Variants in PCYT1B observed in about 807,000 individuals in gnomAD.
PCYT1B encodes the protein choline-phosphate cytidylyltransferase B.
In PCYT1B, 10 loss-of-function variants were observed where a neutral mutation model predicts 26.4. The ratio of observed to expected loss-of-function variants is 0.38; its 90% CI spans 0.23 to 0.64. The LOEUF (loss-of-function observed/expected upper bound fraction) is 0.64, where lower values mean the gene tolerates loss of function less well. Among genes scored for constraint, PCYT1B ranks in the 30% least tolerant of loss-of-function variants. The pLI, the probability that PCYT1B is intolerant of heterozygous loss-of-function variation, is 0.56. For synonymous variants in PCYT1B, 131 were observed against 108.4 expected, an observed-to-expected ratio of 1.21 and a Z score of -1.29; for missense variants, 161 against 292.7, an observed-to-expected ratio of 0.55 and a Z score of 3.28.
In PCYT1B at chrX:24,575,079, G is replaced by A. The variant is rs377672621; in HGVS notation, c.897+51C>T. Reference sequence around the variant, plus strand: ...CCTTGAGTGGCTCCATAAAAAGGAGGATAAACTGAAAACACTCATCATTGT... The same window carrying A: ...CCTTGAGTGGCTCCATAAAAAGGAGAATAAACTGAAAACACTCATCATTGT... On this transcript the variant is annotated intron_variant, in intron 7 of 7. Transcript: ENST00000379144. 1.5e-4 allele frequency: 148 copies of A among 1,018,089 alleles called. No individual in the cohort carries two copies. The African/African-American group carries it at 2.5e-3, about 17-fold the overall frequency. 83.9% of individuals were successfully genotyped at this position (1,018,089 alleles called of 1,213,427 possible).
intron 2 of PCYT1B, among the ~76,000 whole-genome samples, chrX:24,611,050 C>T (rs1212278145): frequency 1.8e-5 from 2 of 111,625 alleles, no homozygotes; most frequent in Non-Finnish European, 3.8e-5. Context: ...GATCATGATA[C>T]AGTGGTTATG....
chrX:24,609,910 T>C (rs1262720787), intron 2 of PCYT1B, among the ~76,000 whole-genome samples: 1 of 110,775 alleles, frequency 9.0e-6, no homozygotes, highest in Non-Finnish European at 1.9e-5. Flanking sequence ...CTGGCCAACA[T>C]GGTGAAACCC....
chrX:24,646,291 G>A (rs1926621725), intron 1 of PCYT1B, among the ~76,000 whole-genome samples: 1 of 111,090 alleles, frequency 9.0e-6, no homozygotes, highest in African/African-American at 3.3e-5. Flanking sequence ...TTACGGAGGC[G>A]GAAGGACGCT....
intron 1 of PCYT1B, among the ~76,000 whole-genome samples, chrX:24,670,131 A>G (rs1476071470): frequency 9.3e-6 from 1 of 107,392 alleles, no homozygotes; most frequent in Admixed American, 1.0e-4. Flanking sequence ...GAAGGAAGGA[A>G]GGAAGGAAGG....
intron 7 of PCYT1B, among the ~76,000 whole-genome samples, chrX:24,563,524 G>T (rs1048460306): frequency 1.4e-4 from 16 of 111,818 alleles, no homozygotes; most frequent in African/African-American, 4.6e-4. Flanking sequence ...TTGGGAAGAG[G>T]TTGCCAGAGA....
At chrX:24,657,636 T>G (rs1926949344) in intron 1 of PCYT1B, among the ~76,000 whole-genome samples, 1 of 111,900 alleles carries the variant, frequency 8.9e-6, no homozygotes, top group Non-Finnish European at 1.9e-5. Flanking sequence ...CCTTCAAGGT[T>G]AATAATCTAA....
chrX:24,638,122 TTAAA>T (rs1465170380), intron 1 of PCYT1B, among the ~76,000 whole-genome samples: 3 of 111,219 alleles, frequency 2.7e-5, no homozygotes, highest in Admixed American at 9.6e-5. Flanking sequence ...AAATGACAGT[TTAAA>T]TAACCCTCAG....
intron 3 of PCYT1B, among the ~76,000 whole-genome samples, chrX:24,598,680 T>A (rs1382972007): frequency 8.9e-6 from 1 of 112,490 alleles, no homozygotes; most frequent in Non-Finnish European, 1.9e-5. Context: ...TTATATTAGA[T>A]CTACATCATT....
chrX:24,567,213 A>G (rs1411521553), intron 7 of PCYT1B, among the ~76,000 whole-genome samples: 1 of 112,416 alleles, frequency 8.9e-6, no homozygotes, highest in African/African-American at 3.2e-5. Flanking sequence ...CGACTTGTCT[A>G]CTATAGTTTG....
chrX:24,670,148 G>GGAAGGAAGGAAGGAAA (rs1569261942), intron 1 of PCYT1B, among the ~76,000 whole-genome samples: 22 of 108,072 alleles, frequency 2.0e-4, no homozygotes, highest in Admixed American at 5.1e-4. Context: ...AAGGAAGGAA[G>GGAAGGAAGGAAGGAAA]GAAGGAAATG....
At chrX:24,624,614 A>G (rs1925829233) in intron 1 of PCYT1B, among the ~76,000 whole-genome samples, 1 of 111,817 alleles carries the variant, frequency 8.9e-6, no homozygotes, top group Admixed American at 9.5e-5. Flanking sequence ...TTGGTTGGGA[A>G]GCGTGCAAAA....
At chrX:24,613,285 G>A (rs1365988291) in intron 2 of PCYT1B, among the ~76,000 whole-genome samples, 6 of 112,032 alleles carry the variant, frequency 5.4e-5, no homozygotes, top group Admixed American at 1.9e-4. Flanking sequence ...TGCAAAAAAA[G>A]TGGCACAAGT....
At chrX:24,613,343 G>A (rs1029549641) in intron 2 of PCYT1B, among the ~76,000 whole-genome samples, 15 of 111,800 alleles carry the variant, frequency 1.3e-4, no homozygotes, top group Non-Finnish European at 2.8e-4. Context: ...TATAATTTAT[G>A]TAGTTTTATA....
intron 1 of PCYT1B, among the ~76,000 whole-genome samples, chrX:24,642,823 G>A (rs1164414253): frequency 8.9e-6 from 1 of 111,977 alleles, no homozygotes; most frequent in African/African-American, 3.2e-5. Flanking sequence ...AGCCATTGAT[G>A]TCTCTGGAAA....
At chrX:24,614,960 T>C (rs1259529168) in intron 2 of PCYT1B, among the ~76,000 whole-genome samples, 1 of 111,494 alleles carries the variant, frequency 9.0e-6, no homozygotes, top group Non-Finnish European at 1.9e-5. Flanking sequence ...CAGCATCACC[T>C]GGGAACACGC....
chrX:24,579,609 C>A, intron 5 of PCYT1B, 151 bp from the exon 6 acceptor site: 1 of 474,208 alleles, frequency 2.1e-6, no homozygotes. Flanking sequence ...CTCTTCCACC[C>A]TCAGTTCCGT....
chrX:24,564,313 C>T (rs1182151358), intron 7 of PCYT1B, among the ~76,000 whole-genome samples: 2 of 111,155 alleles, frequency 1.8e-5, no homozygotes, highest in African/African-American at 6.5e-5. Flanking sequence ...ATAAACTCAC[C>T]CTTTTTAGTG....
At chrX:24,601,592 C>G (rs776974706) in intron 3 of PCYT1B, among the ~76,000 whole-genome samples, 1 of 106,633 alleles carries the variant, frequency 9.4e-6, no homozygotes, top group African/African-American at 3.4e-5. Context: ...AACTCTAAAA[C>G]TCAACAATAA....
chrX:24,615,887 A>G (rs1352174749), intron 2 of PCYT1B, among the ~76,000 whole-genome samples: 2 of 111,922 alleles, frequency 1.8e-5, no homozygotes, highest in African/African-American at 3.2e-5. Flanking sequence ...GCTGTGGACC[A>G]TGATTCATAA....
Sources: allele counts gnomAD v4.1 joint callset (sites outside exome capture counted in the v4.1 genomes callset), GRCh38; gene constraint gnomAD v4.1.1; transcripts MANE v1.5; gene names NCBI Gene and HGNC (gene_info 2026-07-23, HGNC 2026-07-21).